Variants in TMPRSS4 observed in about 807,000 individuals in gnomAD.
The protein encoded by TMPRSS4 is transmembrane serine protease 4, also known as transmembrane protease serine 4.
Under a neutral mutation model 56.4 loss-of-function variants are expected in TMPRSS4, and 45 were observed. The ratio of observed to expected loss-of-function variants is 0.80; its 90% CI spans 0.63 to 1.02. TMPRSS4 has a LOEUF of 1.02. TMPRSS4 is among the 50% of genes least tolerant of loss of function. TMPRSS4 has a pLI of 0.00. For missense variants in TMPRSS4, 546 were observed against 556.7 expected, an observed-to-expected ratio of 0.98 and a Z score of 0.19; for synonymous variants, 205 against 211.0, an observed-to-expected ratio of 0.97 and a Z score of 0.25.
rs942386205 is a variant in TMPRSS4, at chr11:118,118,136, G to A, written c.*223G>A. 7.7e-6 allele frequency: 11 copies of A among 1,421,696 alleles called. No individual in the cohort carries two copies. Among genetic ancestry groups the A allele is most frequent in the African/African-American group, 4.3e-5 (3 of 69,102 alleles). The allele number at this position is 1,421,696 out of a possible 1,614,324, so 88.1% of individuals were successfully genotyped here. ...CAGCCCTAGCTCGGCCACACTTGGT[G>A]CTCCCAGCATCCCAGGGAGAGACAC... On this transcript the variant is annotated 3_prime_UTR_variant, in exon 13 of 13. Transcript: ENST00000437212.
Position 118,120,771 on chromosome 11 carries a change from C to T in TMPRSS4, c.*2858C>T, listed in dbSNP as rs1246597369. On this transcript the variant is annotated 3_prime_UTR_variant, in exon 13 of 13. Transcript: ENST00000437212. ...GTAAATTCTAACATATCCAGAATCC[C>T]AGAAAGAGAGAATCAAGACAATGAG... 1 of 151,932 alleles carries T rather than the reference C, an allele frequency of 6.6e-6. No homozygotes were observed. The highest frequency in any genetic ancestry group is 2.4e-5 in the African/African-American group (1 of 41,338). 9.4% of individuals were successfully genotyped at this position (151,932 alleles called of 1,614,324 possible). A position where few individuals can be genotyped will look rare whatever the true frequency, so the allele number is the denominator to read the frequency against.
chr11:118,113,183 C>T (rs993068297), intron 8 of TMPRSS4, 86 bp from the exon 9 acceptor site: 39 of 1,402,500 alleles, frequency 2.8e-5, no homozygotes, highest in African/African-American at 8.6e-5. Flanking sequence ...TCCAGCACCC[C>T]GATCCCTAGG....
chr11:118,113,831 CA>C (rs937683182), intron 9 of TMPRSS4, among the ~76,000 whole-genome samples: 33 of 152,224 alleles, frequency 2.2e-4, no homozygotes, highest in African/African-American at 7.7e-4. Context: ...TGCTCTCCTC[CA>C]GGGGCAGGGA....
intron 1 of TMPRSS4, among the ~76,000 whole-genome samples, chr11:118,083,758 C>G (rs1945330332): frequency 6.6e-6 from 1 of 152,104 alleles, no homozygotes; most frequent in Non-Finnish European, 1.5e-5. Context: ...TTACAGTTAA[C>G]AATTACTGTA....
At chr11:118,090,122 G>T (rs1210849716) in intron 1 of TMPRSS4, among the ~76,000 whole-genome samples, 1 of 152,186 alleles carries the variant, frequency 6.6e-6, no homozygotes, top group African/African-American at 2.4e-5. Context: ...GATTACAGGT[G>T]TAAGCCACCG....
Position 118,102,349 on chromosome 11 carries a change from A to T in TMPRSS4, c.158-752A>T, listed in dbSNP as rs575388499. Among the ~76,000 whole-genome samples the T allele has an allele frequency of 2.0e-4, 31 of 152,352 alleles. No individual in the cohort carries two copies. In the South Asian group the frequency reaches 5.0e-3, roughly 24 times the overall value. On this transcript the variant is annotated intron_variant, in intron 3 of 12. Transcript: ENST00000437212. ...CAGCCCTGCGAGGCAGATATTATAGATATCATCATCCCATTGTACAGATGA... is the reference window on the plus strand; with the variant it reads ...CAGCCCTGCGAGGCAGATATTATAGTTATCATCATCCCATTGTACAGATGA...
chr11:118,122,118 A>G (rs2135484331), downstream of TMPRSS4, among the ~76,000 whole-genome samples: 1 of 152,348 alleles, frequency 6.6e-6, no homozygotes, highest in African/African-American at 2.4e-5. Flanking sequence ...AAGGAAGAGC[A>G]CTAAGGAGGG....
rs1280517789 is a variant in TMPRSS4 at position 118,121,690 on chromosome 11, T to G, written c.*3777T>G. The G allele has an allele frequency of 2.6e-5, 4 of 152,222 alleles. No homozygotes were observed. In the East Asian group the frequency reaches 5.8e-4, roughly 22 times the overall value. The allele number at this position is 152,222 out of a possible 1,614,324, so 9.4% of individuals were successfully genotyped here. A position where few individuals can be genotyped will look rare whatever the true frequency, so the allele number is the denominator to read the frequency against. On this transcript the variant is annotated 3_prime_UTR_variant, in exon 13 of 13. Coordinates refer to ENST00000437212, the MANE Select transcript of TMPRSS4 (RefSeq NM_019894.4). ...TAATATTTATTTTGTGGGTTAATTTTTTTTGAAACAGATATTGAATTTATT... is the reference window on the plus strand; with the variant it reads ...TAATATTTATTTTGTGGGTTAATTTGTTTTGAAACAGATATTGAATTTATT...
intron 11 of TMPRSS4, among the ~76,000 whole-genome samples, chr11:118,116,426 C>T (rs2135465110): frequency 6.6e-6 from 1 of 152,334 alleles, no homozygotes; most frequent in African/African-American, 2.4e-5. Context: ...ATTAAACAGA[C>T]ATTTAAGCTA....
intron 7 of TMPRSS4, among the ~76,000 whole-genome samples, 185 bp from the exon 8 acceptor site, chr11:118,111,556 A>G: frequency 6.6e-6 from 1 of 152,160 alleles, no homozygotes; most frequent in Non-Finnish European, 1.5e-5. Flanking sequence ...GGGAGGTTTG[A>G]GGAAAGCCTA....
intron 1 of TMPRSS4, among the ~76,000 whole-genome samples, chr11:118,078,386 C>T (rs1482922587): frequency 6.6e-6 from 1 of 152,042 alleles, no homozygotes; most frequent in Admixed American, 6.5e-5. Context: ...AGGGTGTGAC[C>T]TGCAGGGGCC....
At chr11:118,086,349 G>A (rs966007415) in intron 1 of TMPRSS4, among the ~76,000 whole-genome samples, 1 of 152,268 alleles carries the variant, frequency 6.6e-6, no homozygotes, top group Non-Finnish European at 1.5e-5. Context: ...TGAGATGGGG[G>A]ATGAGGTGCT....
chr11:118,112,379 CTTTTTTTTTTTTTT>C (rs71469160), intron 8 of TMPRSS4, among the ~76,000 whole-genome samples: 4 of 45,674 alleles, frequency 8.8e-5, no homozygotes, highest in South Asian at 2.8e-3. Flanking sequence ...ACCCCCTTCA[CTTTTTTTTTTTTTT>C]TTTTTTTTTT....
chr11:118,114,717 C>T, intron 9 of TMPRSS4, 112 bp from the exon 10 acceptor site: 1 of 1,177,266 alleles, frequency 8.5e-7, no homozygotes. Context: ...ATTAGCTAAC[C>T]CAGTCTCTCC....
Position 118,107,885 on chromosome 11 carries a change from G to A in TMPRSS4, c.542+10G>A, listed in dbSNP as rs993191657. On this transcript the variant is annotated intron_variant, in intron 6 of 12. Transcript: ENST00000437212. ...TGCGGAACTCAAGTGGGTAAGTGAG[G>A]GGACACCTTCTGGCCTACAGAAGGC... 1.7e-5 allele frequency: 27 copies of A among 1,612,570 alleles called. No individual in the cohort carries two copies. Among genetic ancestry groups the A allele is most frequent in the African/African-American group, 5.3e-5 (4 of 74,900 alleles).
chr11:118,112,096 G>C (rs1056279027), intron 8 of TMPRSS4, among the ~76,000 whole-genome samples, 196 bp downstream of exon 8: 2 of 152,100 alleles, frequency 1.3e-5, no homozygotes, highest in African/African-American at 4.8e-5. Flanking sequence ...GAGGGTGCTG[G>C]TCACCAAGCA....
chr11:118,096,555 G>T (rs1946299285), intron 2 of TMPRSS4, among the ~76,000 whole-genome samples: 1 of 151,994 alleles, frequency 6.6e-6, no homozygotes, highest in Admixed American at 6.6e-5. Context: ...AGGCCAAGGT[G>T]GGGGTGGATC....
In TMPRSS4 at chr11:118,107,914, C is replaced by G. The variant is rs560517131; in HGVS notation, c.542+39C>G. Reference sequence around the variant, plus strand: ...CACCTTCTGGCCTACAGAAGGCCCCCACATGGACGCTGCTCTTCAGGTTGC... The same window carrying G: ...CACCTTCTGGCCTACAGAAGGCCCCGACATGGACGCTGCTCTTCAGGTTGC... On this transcript the variant is annotated intron_variant, in intron 6 of 12. Transcript: ENST00000437212. The G allele has an allele frequency of 2.2e-5, 34 of 1,558,888 alleles. 1 individual carries two copies. In the South Asian group the frequency reaches 3.5e-4, roughly 16 times the overall value.
Position 118,096,554 on chromosome 11 carries a change from TG to T in TMPRSS4, c.43+1704del, listed in dbSNP as rs538997317. On this transcript the variant is annotated intron_variant, in intron 2 of 12. Transcript: ENST00000437212. ...ATCCTAGAACTTTGGGAGGCCAAGG[TG>T]GGGGTGGATCACTTGAGCCCAGGAG... 3.8e-4 allele frequency among the ~76,000 whole-genome samples: 58 copies of T among 151,992 alleles called. No homozygotes were observed. In the South Asian group the frequency reaches 0.012, roughly 31 times the overall value.
Sources: allele counts gnomAD v4.1 joint callset (sites outside exome capture counted in the v4.1 genomes callset), GRCh38; gene constraint gnomAD v4.1.1; transcripts MANE v1.5; gene names NCBI Gene and HGNC (gene_info 2026-07-23, HGNC 2026-07-21).